KANK1: variants seen among roughly 807,000 people sequenced by gnomAD.
KANK1 encodes the protein KN motif and ankyrin repeat domain-containing protein 1.
KANK1 carries 109 observed loss-of-function variants against 106.2 expected under a neutral mutation model. The ratio of observed to expected loss-of-function variants is 1.03; its 90% confidence interval spans 0.88 to 1.20. KANK1 has a LOEUF of 1.20. KANK1 is among the 50% of genes most tolerant of loss of function. KANK1 has a pLI of 0.00. For synonymous variants in KANK1, 873 were observed against 652.2 expected, an observed-to-expected ratio of 1.34 and a Z score of -5.16; for missense variants, 2,399 against 1,710.7, an observed-to-expected ratio of 1.40 and a Z score of -7.10.
chr9:612,395 T>C (rs1830774305), intron 1 of KANK1, among the ~76,000 whole-genome samples: 1 of 152,204 alleles, frequency 6.6e-6, no homozygotes, highest in Non-Finnish European at 1.5e-5. Context: ...AGTTCAACAG[T>C]ATGTAGGCCC....
intron 1 of KANK1, among the ~76,000 whole-genome samples, chr9:559,670 C>T (rs990604849): frequency 5.9e-5 from 9 of 152,130 alleles, no homozygotes; most frequent in Admixed American, 1.3e-4. Flanking sequence ...ACGGAAAAGA[C>T]AAACAGATAT....
chr9:666,181 A>C (rs1003711110), intron 1 of KANK1, among the ~76,000 whole-genome samples: 60 of 140,318 alleles, frequency 4.3e-4, no homozygotes, highest in Admixed American at 4.2e-3. Context: ...ACCCTGTCTC[A>C]AAAAAAAAAA....
chr9:510,061 C>T (rs1305203131), intron 1 of KANK1, among the ~76,000 whole-genome samples: 4 of 151,848 alleles, frequency 2.6e-5, no homozygotes, highest in African/African-American at 4.8e-5. Context: ...ATCCTCCCTC[C>T]TTGCCCTCCT....
At chr9:683,429 T>G (rs892420669) in intron 2 of KANK1, among the ~76,000 whole-genome samples, 11 of 152,184 alleles carry the variant, frequency 7.2e-5, no homozygotes, top group African/African-American at 2.4e-4. Context: ...AGGGTGTGTT[T>G]CCATTTCAGT....
At chr9:552,760 T>C (rs1408390653) in intron 1 of KANK1, among the ~76,000 whole-genome samples, 1 of 152,236 alleles carries the variant, frequency 6.6e-6, no homozygotes, top group Non-Finnish European at 1.5e-5. Flanking sequence ...ATGTTTTCTC[T>C]TGATCAGGGT....
intron 1 of KANK1, among the ~76,000 whole-genome samples, chr9:610,467 A>G (rs1310603998): frequency 6.6e-6 from 1 of 152,158 alleles, no homozygotes; most frequent in Non-Finnish European, 1.5e-5. Context: ...TAGATACATG[A>G]TTTAAGAAAT....
intron 2 of KANK1, among the ~76,000 whole-genome samples, chr9:698,732 G>A (rs2130010125): frequency 6.6e-6 from 1 of 152,292 alleles, no homozygotes; most frequent in South Asian, 2.1e-4. Flanking sequence ...AATTGGGTAG[G>A]TAAAATTCAT....
At chr9:599,074 A>G (rs1002454412) in intron 1 of KANK1, among the ~76,000 whole-genome samples, 1 of 146,498 alleles carries the variant, frequency 6.8e-6, no homozygotes, top group Non-Finnish European at 1.5e-5. Context: ...GCTGGAGTGC[A>G]ATGGTGCGAT....
chr9:476,414 G>A (rs1241570903), intron 3 of KANK1, among the ~76,000 whole-genome samples: 8 of 151,844 alleles, frequency 5.3e-5, no homozygotes, highest in Non-Finnish European at 7.4e-5. Context: ...CCAGCTACTC[G>A]CGAGGCTGAG....
chr9:706,969 A>G (rs998470725), intron 2 of KANK1: 7 of 985,394 alleles, frequency 7.1e-6, no homozygotes, highest in Non-Finnish European at 7.2e-6. Context: ...AGTGAAGAAC[A>G]CACATTTTCA....
chr9:702,231 CAG>C (rs61439199), intron 2 of KANK1, among the ~76,000 whole-genome samples: 94,847 of 151,834 alleles, frequency 0.62, 30,683 homozygotes, highest in Middle Eastern at 0.68. Context: ...TGAGTTGGCT[CAG>C]AGATGATGCC....
intron 1 of KANK1, among the ~76,000 whole-genome samples, chr9:655,981 T>C (rs997897063): frequency 1.3e-5 from 2 of 152,196 alleles, no homozygotes; most frequent in African/African-American, 4.8e-5. Flanking sequence ...CCTCCTTGCC[T>C]CAGACCCTGC....
At chr9:615,533 A>G (rs1157631980) in intron 1 of KANK1, among the ~76,000 whole-genome samples, 1 of 152,144 alleles carries the variant, frequency 6.6e-6, no homozygotes, top group Non-Finnish European at 1.5e-5. Flanking sequence ...AAATAGACTA[A>G]AAAGGCTACT....
At position 565,605 on chromosome 9, in the gene KANK1, G is replaced by A. The variant is rs550606928; in HGVS notation, c.-84+60851G>A. ...TGGATGTTGCTGATTGGCTGGGGAT[G>A]CCATCATAGGAGTGTGGAAAACAGC... On this transcript the variant is annotated intron_variant, in intron 1 of 11. Coordinates refer to ENST00000382297, the MANE Select transcript of KANK1 (RefSeq NM_015158.5). Among the ~76,000 whole-genome samples, 105 of 152,334 alleles carry A rather than the reference G, an allele frequency of 6.9e-4. 1 individual carries two copies. The highest frequency in any genetic ancestry group is 2.4e-3 in the African/African-American group (100 of 41,568).
intron 1 of KANK1, among the ~76,000 whole-genome samples, chr9:548,657 G>T (rs1172566995): frequency 2.0e-5 from 3 of 152,048 alleles, no homozygotes; most frequent in East Asian, 1.9e-4. Context: ...TTTTATGTGT[G>T]TATAGAAAAA....
At chr9:726,436 C>T (rs796383854) in intron 3 of KANK1, among the ~76,000 whole-genome samples, 7 of 151,992 alleles carry the variant, frequency 4.6e-5, no homozygotes, top group African/African-American at 1.7e-4. Flanking sequence ...GTCAGGAGTT[C>T]GAGTCCAACC....
At chr9:585,507 A>G (rs1172968138) in intron 1 of KANK1, among the ~76,000 whole-genome samples, 1 of 152,214 alleles carries the variant, frequency 6.6e-6, no homozygotes, top group African/African-American at 2.4e-5. Context: ...ACAAAGGCCT[A>G]TGAATTTCAA....
chr9:712,428 A>G lies in KANK1; in HGVS notation c.1662A>G (p.Glu554=). The G allele has an allele frequency of 6.2e-7, 1 of 1,614,166 alleles. No individual in the cohort carries two copies. Among genetic ancestry groups the G allele is most frequent in the Non-Finnish European group, 8.5e-7 (1 of 1,180,040 alleles). ...GTGTAGGCATCTCCTGCCAGCCTGA[A>G]TGTAAGAATAAAGTCGTAGGGCCTG... The part of the protein sequence containing the change: ...TNSVGISCQP[E]CKNKVVGPEL... Residue 554 remains glutamate (E), a synonymous_variant, in exon 3 of 12, where the codon GAA becomes GAG. Transcript: ENST00000382297.
chr9:524,032 A>C (rs568037464), intron 1 of KANK1, among the ~76,000 whole-genome samples: 1 of 151,716 alleles, frequency 6.6e-6, no homozygotes, highest in African/African-American at 2.4e-5. Context: ...TGAGCTGCTG[A>C]TAAGGATTTA....
Sources: gnomAD v4.1 joint callset for allele counts (sites outside exome capture counted in the v4.1 genomes callset) on GRCh38, gnomAD v4.1.1 for gene constraint, MANE v1.5 for transcripts, NCBI Gene and HGNC (gene_info 2026-07-23, HGNC 2026-07-21) for gene names.